The following SNX27 variants were observed in gnomAD, a reference collection of about 807,000 sequenced individuals.
SNX27 encodes sorting nexin 27.
SNX27 carries 22 observed loss-of-function variants against 71.6 expected under a neutral mutation model. That is an observed-to-expected ratio of 0.31 (90% CI 0.22 to 0.44). The LOEUF (loss-of-function observed/expected upper bound fraction) is 0.44. Ranked by LOEUF, SNX27 falls within the 20% of genes least tolerant of loss-of-function variation. The pLI, the probability that SNX27 is intolerant of heterozygous loss-of-function variation, is 1.00. For synonymous variants in SNX27, 269 were observed against 277.2 expected, an observed-to-expected ratio of 0.97 and a Z score of 0.29; for missense variants, 531 against 698.6, an observed-to-expected ratio of 0.76 and a Z score of 2.70.
At chr1:151,656,223 C>CAAAA (rs71093203) in intron 2 of SNX27, among the ~76,000 whole-genome samples, 4 of 77,414 alleles carry the variant, frequency 5.2e-5, no homozygotes, top group South Asian at 4.5e-4. Flanking sequence ...GACTCCGTCT[C>CAAAA]AAAAAAAAAA....
At chr1:151,615,540 C>A (rs186958541) in intron 1 of SNX27, 42 of 227,522 alleles carry the variant, frequency 1.8e-4, no homozygotes, top group African/African-American at 9.6e-4. Flanking sequence ...CTCCTTAGAG[C>A]TTTTGTCTGT....
chr1:151,627,206 C>T (rs1453407675), intron 1 of SNX27, among the ~76,000 whole-genome samples: 1 of 152,188 alleles, frequency 6.6e-6, no homozygotes, highest in African/African-American at 2.4e-5. Context: ...ATTCTAGCCT[C>T]CTCCCCTTGC....
chr1:151,693,979 A>G, intron 11 of SNX27: 1 of 1,233,568 alleles, frequency 8.1e-7, no homozygotes, highest in South Asian at 2.7e-5. Context: ...TTAGTTACTT[A>G]TTCTCAAAGA....
chr1:151,643,408 C>T (rs1165543526), intron 2 of SNX27, among the ~76,000 whole-genome samples: 1 of 151,864 alleles, frequency 6.6e-6, no homozygotes, highest in Non-Finnish European at 1.5e-5. Flanking sequence ...AATTCTCCTG[C>T]CTCAGCCTCC....
chr1:151,612,877 C>T lies in SNX27; in HGVS notation c.311+365C>T, dbSNP rs1667251596. On this transcript the variant is annotated intron_variant, in intron 1 of 11. Transcript: ENST00000458013. The surrounding 1 kb of genome is among the most constrained non-coding windows in gnomAD (Gnocchi z 5.2). ...TTGCTCAGAAGGAACCTCATCTGCT[C>T]CTTACTGACGGCGTTTCGTTTTCTG... Among the ~76,000 whole-genome samples the T allele has an allele frequency of 6.6e-6, 1 of 152,156 alleles. No homozygotes were observed. Among genetic ancestry groups the T allele is most frequent in the Non-Finnish European group, 1.5e-5 (1 of 68,032 alleles).
At chr1:151,650,365 A>G (rs1455936387) in intron 2 of SNX27, among the ~76,000 whole-genome samples, 2 of 151,836 alleles carry the variant, frequency 1.3e-5, no homozygotes, top group African/African-American at 2.4e-5. Flanking sequence ...TCAGAGTTTC[A>G]TTTTTACATG....
intron 6 of SNX27, chr1:151,667,356 G>A (rs536607432): frequency 1.3e-5 from 2 of 152,132 alleles, no homozygotes; most frequent in African/African-American, 4.8e-5. Flanking sequence ...GTGGCTGTTA[G>A]AAAGAGGAAG....
At chr1:151,655,094 T>C (rs73000073) in intron 2 of SNX27, among the ~76,000 whole-genome samples, 14,373 of 152,256 alleles carry the variant, frequency 0.094, 743 homozygotes, top group South Asian at 0.14. Context: ...TACATTTCTT[T>C]AAAGAGTGTT....
chr1:151,689,583 T>C (rs1022395446), intron 8 of SNX27, among the ~76,000 whole-genome samples: 1 of 152,216 alleles, frequency 6.6e-6, no homozygotes, highest in African/African-American at 2.4e-5. Context: ...GTCAAAACAG[T>C]AGTGGTACCT....
Position 151,612,299 on chromosome 1 carries a change from ACGGCGGCGGGGGAGG to A in SNX27, c.106_120del (p.Gly36_Gly40del), listed in dbSNP as rs752177295. On this transcript the variant is annotated inframe_deletion, in exon 1 of 12. Coordinates refer to ENST00000458013, the MANE Select transcript of SNX27 (RefSeq NM_001330723.2). This position sits in a 1 kb window ranked among gnomAD's most constrained non-coding sequence, Gnocchi z 5.2. ...GGGTCTGGGCTCCACTGCGCCGGGA[ACGGCGGCGGGGGAGG>A]CGGCGGCCCGCGGGTCGTGCGCATC... 8 of 1,517,132 alleles carry A rather than the reference ACGGCGGCGGGGGAGG, an allele frequency of 5.3e-6. No homozygotes were observed. In the African/African-American group the frequency reaches 1.1e-4, roughly 22 times the overall value. The allele number at this position is 1,517,132 out of a possible 1,614,324, so 94.0% of individuals were successfully genotyped here. A position where few individuals can be genotyped will look rare whatever the true frequency, so the allele number is the denominator to read the frequency against.
chr1:151,648,930 G>A (rs1016740821), intron 2 of SNX27, among the ~76,000 whole-genome samples: 2 of 151,174 alleles, frequency 1.3e-5, no homozygotes, highest in African/African-American at 4.9e-5. Flanking sequence ...TAGAATTCTT[G>A]GTGGATTGTT....
chr1:151,653,232 T>TTTG, intron 2 of SNX27, among the ~76,000 whole-genome samples: 1 of 152,162 alleles, frequency 6.6e-6, no homozygotes, highest in South Asian at 2.1e-4. Flanking sequence ...AGCCTTTTTT[T>TTTG]TTGTTGTTGT....
rs865796776 is a variant in SNX27, at chr1:151,667,738, A to C, written c.986-734A>C. Among the ~76,000 whole-genome samples, 809 of 148,056 alleles carry C rather than the reference A, an allele frequency of 5.5e-3. 7 individuals are homozygous for C. The highest frequency in any genetic ancestry group is 0.019 in the African/African-American group (776 of 40,418). On this transcript the variant is annotated intron_variant, in intron 6 of 11. Transcript: ENST00000458013. ...GCTACTTGGGAGGCTGAGGCAGGAG[A>C]ATGGCGTGAACCTGGGAGGCGGAGC...
At position 151,635,576 on chromosome 1, in the gene SNX27, C is replaced by G. The variant is rs140325349; in HGVS notation, c.312-3312C>G. On this transcript the variant is annotated intron_variant, in intron 1 of 11. Coordinates refer to ENST00000458013, the MANE Select transcript of SNX27 (RefSeq NM_001330723.2). ...ATTATATCATATAACATTTTTATGA[C>G]TGTGAAGACCTCTTAATTCTTCAGG... Among the ~76,000 whole-genome samples, 116 of 152,258 alleles carry G rather than the reference C, an allele frequency of 7.6e-4. 2 individuals carry two copies. The East Asian group carries it at 0.015, about 19-fold the overall frequency.
chr1:151,643,556 G>A (rs1236465782), intron 2 of SNX27, among the ~76,000 whole-genome samples: 2 of 151,966 alleles, frequency 1.3e-5, no homozygotes, highest in African/African-American at 2.4e-5. Context: ...GCCTCCCAAA[G>A]TGCTGAGATT....
chr1:151,664,743 T>C (rs1670115742), intron 5 of SNX27, among the ~76,000 whole-genome samples: 1 of 152,208 alleles, frequency 6.6e-6, no homozygotes, highest in Non-Finnish European at 1.5e-5. Context: ...CTCAGGCATT[T>C]ATGAAATTAT....
chr1:151,664,326 T>G (rs931484386), intron 5 of SNX27, among the ~76,000 whole-genome samples: 2 of 151,742 alleles, frequency 1.3e-5, no homozygotes, highest in African/African-American at 4.8e-5. Context: ...ATGCTCAGAT[T>G]GTTCCATCTT....
chr1:151,621,766 G>GGAGATTGATTAAATGAATATTTGGAGA (rs1667686969), intron 1 of SNX27, among the ~76,000 whole-genome samples: 1 of 152,150 alleles, frequency 6.6e-6, no homozygotes, highest in South Asian at 2.1e-4. Context: ...TTAAAAATTG[G>GGAGATTGATTAAATGAATATTTGGAGA]GAGATTGATT....
chr1:151,642,922 G>A (rs1044976580), intron 2 of SNX27, among the ~76,000 whole-genome samples: 3 of 152,010 alleles, frequency 2.0e-5, no homozygotes, highest in Non-Finnish European at 2.9e-5. Flanking sequence ...CTACAGGCGT[G>A]AGCCACCGCG....
Sources: allele counts gnomAD v4.1 joint callset (sites outside exome capture counted in the v4.1 genomes callset), GRCh38; gene constraint gnomAD v4.1.1; non-coding constraint Gnocchi (gnomAD v3.1); transcripts MANE v1.5; gene names NCBI Gene and HGNC (gene_info 2026-07-23, HGNC 2026-07-21).